Variants in MVB12B observed in about 807,000 individuals in gnomAD.
MVB12B encodes multivesicular body subunit 12B.
A neutral mutation model predicts 41.6 loss-of-function variants in MVB12B; 16 were observed. That is an observed-to-expected ratio of 0.38 (90% CI 0.26 to 0.58). MVB12B has a LOEUF of 0.58. Among genes scored for constraint, MVB12B ranks in the 20% least tolerant of loss-of-function variants. The pLI, the probability that MVB12B is intolerant of heterozygous loss-of-function variation, is 0.62. For missense variants in MVB12B, 274 were observed against 380.2 expected (o/e 0.72, Z 2.32); for synonymous variants, 133 against 139.7 (o/e 0.95, Z 0.34).
chr9:126,497,856 C>T (rs1481225909), intron 9 of MVB12B, among the ~76,000 whole-genome samples: 2 of 152,370 alleles, frequency 1.3e-5, no homozygotes, highest in South Asian at 2.1e-4. Context: ...GTTTCCAAAC[C>T]GAACAGTTGC....
intron 7 of MVB12B, among the ~76,000 whole-genome samples, chr9:126,450,250 G>A (rs1321542861): frequency 1.3e-5 from 2 of 152,306 alleles, no homozygotes; most frequent in Admixed American, 1.3e-4. Flanking sequence ...GGTGGGCGGT[G>A]GGCAAGCTCC....
intron 7 of MVB12B, among the ~76,000 whole-genome samples, chr9:126,446,631 C>CT (rs1832775527): frequency 6.6e-6 from 1 of 150,684 alleles, no homozygotes; most frequent in Non-Finnish European, 1.5e-5. Flanking sequence ...AGGCTTTCTA[C>CT]TTTTTCTTGA....
Position 126,436,603 on chromosome 9 carries a change from G to A in MVB12B, c.757+14655G>A, listed in dbSNP as rs1032935501. ...TGTATGTGTATGTATGCAACTTGCA[G>A]CTGTGGAGCTGTAACTACATCTGTG... On this transcript the variant is annotated intron_variant, in intron 7 of 9. Transcript: ENST00000361171. This position sits in a 1 kb window ranked among gnomAD's most constrained non-coding sequence, Gnocchi z 4.1. Among the ~76,000 whole-genome samples the A allele has an allele frequency of 6.6e-6, 1 of 152,226 alleles. No individual in the cohort carries two copies. The highest frequency in any genetic ancestry group is 2.4e-5 in the African/African-American group (1 of 41,452).
In MVB12B at chr9:126,381,183, C is replaced by T. The variant is rs943487620; in HGVS notation, c.312+12C>T. 15 of 1,579,184 alleles carry T rather than the reference C, an allele frequency of 9.5e-6. No homozygotes were observed. The highest frequency in any genetic ancestry group is 1.7e-4 in the Middle Eastern group (1 of 6,038). ...TTTCCAAAGAAAATGTAAGTCTAGT[C>T]GTAGTTTCCATTTGCTGAGTGAGCA... On this transcript the variant is annotated intron_variant, in intron 3 of 9. Transcript: ENST00000361171.
At chr9:126,487,169 T>C (rs918806449) in intron 9 of MVB12B, among the ~76,000 whole-genome samples, 2 of 152,212 alleles carry the variant, frequency 1.3e-5, no homozygotes, top group African/African-American at 4.8e-5. Context: ...CCAACATTTC[T>C]TTTTCTGCAC....
At chr9:126,471,543 C>T (rs894724762) in intron 7 of MVB12B, among the ~76,000 whole-genome samples, 4 of 152,172 alleles carry the variant, frequency 2.6e-5, no homozygotes, top group African/African-American at 9.7e-5. Context: ...TGTCACTGAG[C>T]AGACAGCTCT....
rs1008307660 is a variant in MVB12B at position 126,392,497 on chromosome 9, G to A, written c.539+302G>A. On this transcript the variant is annotated intron_variant, in intron 5 of 9. Coordinates refer to ENST00000361171, the MANE Select transcript of MVB12B (RefSeq NM_033446.3). This position sits in a 1 kb window ranked among gnomAD's most constrained non-coding sequence, Gnocchi z 4.8. ...CCACTGGCCTCAGCTCTTCACACTCGTTATTCACCCTAGGAAAGGTCACAG... is the reference window on the plus strand; with the variant it reads ...CCACTGGCCTCAGCTCTTCACACTCATTATTCACCCTAGGAAAGGTCACAG... Among the ~76,000 whole-genome samples the A allele has an allele frequency of 6.6e-6, 1 of 152,150 alleles. No individual in the cohort carries two copies. The highest frequency in any genetic ancestry group is 2.1e-4 in the South Asian group (1 of 4,832).
intron 6 of MVB12B, among the ~76,000 whole-genome samples, chr9:126,412,830 G>A (rs1474166638): frequency 6.6e-6 from 1 of 152,152 alleles, no homozygotes; most frequent in Non-Finnish European, 1.5e-5. Context: ...ACATCATTCT[G>A]CAACTTTGTT....
At chr9:126,379,425 C>T (rs1830576210) in intron 2 of MVB12B, among the ~76,000 whole-genome samples, 2 of 152,168 alleles carry the variant, frequency 1.3e-5, no homozygotes, top group South Asian at 4.1e-4. Context: ...GCTGAGACCA[C>T]TGCCTTAAAT....
Position 126,395,468 on chromosome 9 carries a change from C to T in MVB12B, c.540-107C>T. 3 of 1,336,172 alleles carry T rather than the reference C, an allele frequency of 2.2e-6. No homozygotes were observed. In the Admixed American group the frequency reaches 5.8e-5, roughly 26 times the overall value. The allele number at this position is 1,336,172 out of a possible 1,614,324, so 82.8% of individuals were successfully genotyped here. On this transcript the variant is annotated intron_variant, in intron 5 of 9. Coordinates refer to ENST00000361171, the MANE Select transcript of MVB12B (RefSeq NM_033446.3). This position sits in a 1 kb window ranked among gnomAD's most constrained non-coding sequence, Gnocchi z 4.9. ...TCACGTGGAGGGCAAGAATTGATTC[C>T]CTGGTGTTTGAGGCCATGACTCTTT...
At chr9:126,446,938 C>CTTTTTTT (rs33991689) in intron 7 of MVB12B, among the ~76,000 whole-genome samples, 2 of 104,324 alleles carry the variant, frequency 1.9e-5, no homozygotes, top group Non-Finnish European at 3.6e-5. Flanking sequence ...TTTTAACTTT[C>CTTTTTTT]TTTTTTTTTT....
intron 1 of MVB12B, among the ~76,000 whole-genome samples, chr9:126,329,549 G>A (rs1449466882): frequency 1.3e-5 from 2 of 152,340 alleles, no homozygotes; most frequent in East Asian, 3.9e-4. Flanking sequence ...GAAGGGGTAA[G>A]GGAGAAGTGT....
At chr9:126,474,096 G>A (rs941701830) in intron 7 of MVB12B, among the ~76,000 whole-genome samples, 8 of 152,186 alleles carry the variant, frequency 5.3e-5, no homozygotes, top group Non-Finnish European at 1.2e-4. Flanking sequence ...TCTAGGTTGT[G>A]AGTGCAGACT....
chr9:126,348,798 GA>G (rs1288798646), intron 2 of MVB12B, among the ~76,000 whole-genome samples: 1 of 152,176 alleles, frequency 6.6e-6, no homozygotes, highest in African/African-American at 2.4e-5. Context: ...AAGTACTACA[GA>G]GAGATCCTGT....
At chr9:126,457,023 A>C (rs1327632535) in intron 7 of MVB12B, among the ~76,000 whole-genome samples, 1 of 152,042 alleles carries the variant, frequency 6.6e-6, no homozygotes, top group Non-Finnish European at 1.5e-5. Flanking sequence ...CTCTCACCAG[A>C]GTTTCTTCCA....
In MVB12B at chr9:126,395,689, C is replaced by G; in HGVS notation, c.654C>G (p.Asn218Lys). 1 of 1,614,088 alleles carries G rather than the reference C, an allele frequency of 6.2e-7. No individual in the cohort carries two copies. The highest frequency in any genetic ancestry group is 8.5e-7 in the Non-Finnish European group (1 of 1,179,974). The change falls in exon 6 of 10, where the codon AAC becomes AAG. Residue 218 changes from asparagine (N) to lysine (K), a missense_variant. Transcript: ENST00000361171. This position sits in a 1 kb window ranked among gnomAD's most constrained non-coding sequence, Gnocchi z 4.9. The part of the protein sequence containing the change: ...QSSAASTPAP[N>K]LPRHISLTLP... ...CAGCTGCCTCCACCCCAGCCCCCAACCTTCCCAGGTGAGGCCTTGTCGGGG... is the reference window on the plus strand; with the variant it reads ...CAGCTGCCTCCACCCCAGCCCCCAAGCTTCCCAGGTGAGGCCTTGTCGGGG...
At chr9:126,424,185 G>A (rs867697109) in intron 7 of MVB12B, among the ~76,000 whole-genome samples, 1 of 152,120 alleles carries the variant, frequency 6.6e-6, no homozygotes. Flanking sequence ...TTGAAAAACA[G>A]CCCACACTTA....
chr9:126,465,807 A>G (rs1344981563), intron 7 of MVB12B, among the ~76,000 whole-genome samples: 2 of 152,164 alleles, frequency 1.3e-5, no homozygotes, highest in African/African-American at 4.8e-5. Context: ...TAGATGTGTT[A>G]TCTTTCTGAA....
At chr9:126,479,900 T>A (rs1276686930) in intron 7 of MVB12B, among the ~76,000 whole-genome samples, 1 of 152,258 alleles carries the variant, frequency 6.6e-6, no homozygotes, top group African/African-American at 2.4e-5. Flanking sequence ...CTTTTCTTGC[T>A]GATTGGGAGG....
Sources: allele counts gnomAD v4.1 joint callset (sites outside exome capture counted in the v4.1 genomes callset), GRCh38; gene constraint gnomAD v4.1.1; non-coding constraint Gnocchi (gnomAD v3.1); transcripts MANE v1.5; gene names NCBI Gene and HGNC (gene_info 2026-07-23, HGNC 2026-07-21).